PRELID2: variants seen among roughly 807,000 people sequenced by gnomAD.
PRELID2 encodes the protein PRELI domain containing 2.
Under a neutral mutation model 28.4 loss-of-function variants are expected in PRELID2, and 25 were observed. The ratio of observed to expected loss-of-function variants is 0.88; its 90% CI spans 0.64 to 1.23. The LOEUF (loss-of-function observed/expected upper bound fraction) is 1.23. Ranked by LOEUF, PRELID2 falls within the 50% of genes most tolerant of loss-of-function variation. PRELID2 has a pLI of 0.00. For synonymous variants in PRELID2, 76 were observed against 71.6 expected (o/e 1.06, Z -0.31); for missense variants, 201 against 214.4 (o/e 0.94, Z 0.39).
At chr5:145,414,383 C>A in the PRELID2 span, among the ~76,000 whole-genome samples, 2 of 152,148 alleles carry the variant, frequency 1.3e-5, no homozygotes, top group Non-Finnish European at 2.9e-5. Flanking sequence ...GAAAGTAACC[C>A]CCCAGGCCTG....
intron 1 of PRELID2, among the ~76,000 whole-genome samples, chr5:145,736,182 T>C (rs1034677180): frequency 4.6e-5 from 7 of 152,234 alleles, no homozygotes; most frequent in African/African-American, 1.7e-4. Context: ...AATTCCCTCT[T>C]GCAATGTATA....
the PRELID2 span, among the ~76,000 whole-genome samples, chr5:145,416,345 A>G: frequency 6.6e-6 from 1 of 152,078 alleles, no homozygotes; most frequent in Admixed American, 6.6e-5. Flanking sequence ...ACCATTCAGG[A>G]CATAGGCACG....
intron 5 of PRELID2, among the ~76,000 whole-genome samples, chr5:145,787,268 T>A (rs1752056784): frequency 6.6e-6 from 1 of 152,238 alleles, no homozygotes; most frequent in Admixed American, 6.5e-5. Flanking sequence ...AATGCTTGCA[T>A]AACAAGACTG....
intron 1 of PRELID2, among the ~76,000 whole-genome samples, chr5:145,736,187 T>C (rs1163366467): frequency 2.6e-5 from 4 of 152,262 alleles, no homozygotes; most frequent in African/African-American, 7.2e-5. Flanking sequence ...CCTCTTGCAA[T>C]GTATAGTATT....
chr5:145,464,747 C>T, the PRELID2 span, among the ~76,000 whole-genome samples: 1 of 152,070 alleles, frequency 6.6e-6, no homozygotes, highest in African/African-American at 2.4e-5. Flanking sequence ...ATCAAATTGG[C>T]AATTGGTTGG....
At chr5:145,746,247 C>T (rs182170407) in intron 1 of PRELID2, among the ~76,000 whole-genome samples, 6 of 152,240 alleles carry the variant, frequency 3.9e-5, no homozygotes, top group Admixed American at 1.3e-4. Context: ...CAAGACCCGT[C>T]GGCGTGCTGT....
intron 1 of PRELID2, among the ~76,000 whole-genome samples, chr5:145,695,266 A>G (rs1393059678): frequency 6.6e-6 from 1 of 152,208 alleles, no homozygotes; most frequent in African/African-American, 2.4e-5. Context: ...TAAGTCAGTC[A>G]CGTCAAGAGG....
At chr5:145,734,104 C>T (rs1756426852) in intron 1 of PRELID2, among the ~76,000 whole-genome samples, 1 of 152,078 alleles carries the variant, frequency 6.6e-6, no homozygotes, top group Non-Finnish European at 1.5e-5. Flanking sequence ...TGCATCCCTG[C>T]CAACATCTTG....
the PRELID2 span, among the ~76,000 whole-genome samples, chr5:145,289,636 T>C: frequency 6.6e-6 from 1 of 152,194 alleles, no homozygotes; most frequent in Non-Finnish European, 1.5e-5. Context: ...TCCTAGATCA[T>C]ATGGTAAGAC....
In PRELID2 at chr5:145,825,562, A is replaced by T. The variant is rs142625785; in HGVS notation, c.76-2428T>A. The stretch of plus-strand genomic sequence containing the variant: ...ATATTACAAATTCAACATAAGTTGT[A>T]GAAAGATAACTAAACTATAAAAGAC... On this transcript the variant is annotated intron_variant, in intron 1 of 6. Transcript: ENST00000683046. Among the ~76,000 whole-genome samples, 260 of 152,382 alleles carry T rather than the reference A, an allele frequency of 1.7e-3. 1 individual carries two copies. The highest frequency in any genetic ancestry group is 6.0e-3 in the African/African-American group (250 of 41,590).
chr5:145,584,167 T>C (rs1211267001), intron 1 of PRELID2, among the ~76,000 whole-genome samples: 3 of 151,964 alleles, frequency 2.0e-5, no homozygotes, highest in Non-Finnish European at 2.9e-5. Flanking sequence ...TTGGCAAACC[T>C]GACAAAAACA....
chr5:145,694,392 A>T (rs891380194), intron 1 of PRELID2, among the ~76,000 whole-genome samples: 6 of 152,164 alleles, frequency 3.9e-5, no homozygotes, highest in Admixed American at 6.6e-5. Context: ...CATGATTTTT[A>T]AAATATTTTA....
the PRELID2 span, among the ~76,000 whole-genome samples, chr5:145,334,776 T>G: frequency 5.9e-5 from 9 of 151,956 alleles, no homozygotes; most frequent in Admixed American, 1.3e-4. Context: ...TGTCAGTTTT[T>G]TTTTTTTTTT....
intron 1 of PRELID2, among the ~76,000 whole-genome samples, chr5:145,618,545 T>A (rs1375480435): frequency 6.6e-6 from 1 of 152,188 alleles, no homozygotes; most frequent in Non-Finnish European, 1.5e-5. Flanking sequence ...ATCTATGGGT[T>A]TCTCAGCCAT....
At chr5:145,243,167 T>C in the PRELID2 span, among the ~76,000 whole-genome samples, 1 of 152,018 alleles carries the variant, frequency 6.6e-6, no homozygotes, top group South Asian at 2.1e-4. Context: ...TTTCAACCTG[T>C]TTCACTGTGT....
chr5:145,688,262 G>T (rs1340173664), intron 1 of PRELID2, among the ~76,000 whole-genome samples: 1 of 152,158 alleles, frequency 6.6e-6, no homozygotes, highest in Non-Finnish European at 1.5e-5. Context: ...CCTCCAGTCT[G>T]ACTTTGGCAA....
At chr5:145,812,889 A>G (rs1284360471) in intron 4 of PRELID2, among the ~76,000 whole-genome samples, 2 of 152,244 alleles carry the variant, frequency 1.3e-5, no homozygotes, top group Non-Finnish European at 2.9e-5. Context: ...AAGAAAGCAT[A>G]TTAGAGCTAT....
At chr5:145,718,074 T>C (rs193186720) in intron 1 of PRELID2, among the ~76,000 whole-genome samples, 13 of 152,186 alleles carry the variant, frequency 8.5e-5, no homozygotes, top group African/African-American at 3.1e-4. Flanking sequence ...TGCTATATTT[T>C]CTTATTTTTG....
chr5:145,536,459 A>G (rs1353876339), intron 1 of PRELID2, among the ~76,000 whole-genome samples: 2 of 151,940 alleles, frequency 1.3e-5, no homozygotes, highest in African/African-American at 4.8e-5. Context: ...TTCAAAATGC[A>G]GCTGCCAAGA....
Sources: gnomAD v4.1 joint callset for allele counts (sites outside exome capture counted in the v4.1 genomes callset) on GRCh38, gnomAD v4.1.1 for gene constraint, MANE v1.5 for transcripts, NCBI Gene and HGNC (gene_info 2026-07-23, HGNC 2026-07-21) for gene names.